The following GUCY1A2 variants were observed in gnomAD, a reference collection of about 807,000 sequenced individuals.
The protein encoded by GUCY1A2 is guanylate cyclase soluble subunit alpha-2.
Under a neutral mutation model 63.5 loss-of-function variants are expected in GUCY1A2, and 27 were observed. The observed-to-expected ratio is 0.43, with a 90% confidence interval of 0.31 to 0.59. The LOEUF (loss-of-function observed/expected upper bound fraction) is 0.59. Ranked by LOEUF, GUCY1A2 falls within the 20% of genes least tolerant of loss-of-function variation. The pLI is 0.11. For synonymous variants in GUCY1A2, 364 were observed against 343.5 expected, an observed-to-expected ratio of 1.06 and a Z score of -0.66; for missense variants, 768 against 913.3, an observed-to-expected ratio of 0.84 and a Z score of 2.05.
chr11:106,801,241 T>C (rs1858598409), intron 5 of GUCY1A2, among the ~76,000 whole-genome samples: 1 of 152,172 alleles, frequency 6.6e-6, no homozygotes, highest in African/African-American at 2.4e-5. Context: ...CATGTTCATC[T>C]TCTAATTACT....
intron 6 of GUCY1A2, among the ~76,000 whole-genome samples, chr11:106,772,025 C>T (rs1029259457): frequency 1.3e-5 from 2 of 151,820 alleles, no homozygotes; most frequent in African/African-American, 4.8e-5. Flanking sequence ...ACTTATTGAA[C>T]AATAATTTAC....
At chr11:106,971,043 T>C (rs1861186778) in intron 3 of GUCY1A2, among the ~76,000 whole-genome samples, 1 of 152,172 alleles carries the variant, frequency 6.6e-6, no homozygotes, top group Non-Finnish European at 1.5e-5. Flanking sequence ...AACAGATCGG[T>C]ACTTGCCAGG....
intron 5 of GUCY1A2, among the ~76,000 whole-genome samples, chr11:106,786,638 C>G (rs1864560328): frequency 6.6e-6 from 1 of 152,118 alleles, no homozygotes; most frequent in Non-Finnish European, 1.5e-5. Flanking sequence ...ATTAAAATAT[C>G]AAGTCAAAAT....
rs1009713007 is a variant in GUCY1A2, at chr11:106,810,604, T to A, written c.1207-126A>T. ...GCAATACTGAGTTACTGCATTCATA[T>A]AAGCAAATTTAAATCTGATTTTCAG... On this transcript the variant is annotated intron_variant, in intron 4 of 7. Coordinates refer to ENST00000526355, the MANE Select transcript of GUCY1A2 (RefSeq NM_000855.3). The A allele has an allele frequency of 1.1e-5, 7 of 663,452 alleles. No homozygotes were observed. In the East Asian group the frequency reaches 1.4e-4, roughly 13 times the overall value. 41.1% of individuals were successfully genotyped at this position (663,452 alleles called of 1,614,324 possible).
Position 106,726,771 on chromosome 11 carries a change from T to C in GUCY1A2, c.1837-18105A>G, listed in dbSNP as rs528778150. Among the ~76,000 whole-genome samples, 9 of 152,236 alleles carry C rather than the reference T, an allele frequency of 5.9e-5. 1 individual carries two copies. The South Asian group carries it at 1.7e-3, about 28-fold the overall frequency. ...AGTGGGTTGGTGTCATGGATTGGAA[T>C]AAGAGCTAAAGGAAAATTAACAAGT... On this transcript the variant is annotated intron_variant, in intron 6 of 7. Coordinates refer to ENST00000526355, the MANE Select transcript of GUCY1A2 (RefSeq NM_000855.3).
rs537341971 is a variant in GUCY1A2, at chr11:106,725,757, T to C, written c.1837-17091A>G. ...TGAGCCAAATGTTTGAAATGGTAAA[T>C]TATGAGCTTAAAAGTAGTCAGTGAC... On this transcript the variant is annotated intron_variant, in intron 6 of 7. Transcript: ENST00000526355. Among the ~76,000 whole-genome samples the C allele has an allele frequency of 2.0e-5, 3 of 152,238 alleles. No individual in the cohort carries two copies. The South Asian group carries it at 6.2e-4, about 32-fold the overall frequency.
chr11:107,014,079 C>CTTTTTTTTT (rs71044206), intron 1 of GUCY1A2, among the ~76,000 whole-genome samples: 15 of 70,020 alleles, frequency 2.1e-4, no homozygotes, highest in Admixed American at 6.5e-4. Context: ...CCATGTTTTC[C>CTTTTTTTTT]TTTTTTTTTT....
At position 106,685,652 on chromosome 11, in the gene GUCY1A2, A is replaced by C; in HGVS notation, c.*1897T>G. On this transcript the variant is annotated 3_prime_UTR_variant, in exon 8 of 8. Transcript: ENST00000526355. Reference sequence around the variant, plus strand: ...CATCAACATTGCTAAGGCATTTTCTAATATAAGCATGAGGATTGAGGTGCT... The same window carrying C: ...CATCAACATTGCTAAGGCATTTTCTCATATAAGCATGAGGATTGAGGTGCT... The C allele has an allele frequency of 4.4e-6, 1 of 228,322 alleles. No individual in the cohort carries two copies. Among genetic ancestry groups the C allele is most frequent in the East Asian group, 6.3e-5 (1 of 15,978 alleles). 14.1% of individuals were successfully genotyped at this position (228,322 alleles called of 1,614,324 possible).
intron 1 of GUCY1A2, among the ~76,000 whole-genome samples, chr11:107,009,102 T>C (rs1861709849): frequency 6.6e-6 from 1 of 152,260 alleles, no homozygotes; most frequent in Non-Finnish European, 1.5e-5. Context: ...TGGATCACCA[T>C]TTATTTACTT....
chr11:106,983,402 C>T (rs1251882778), intron 2 of GUCY1A2, among the ~76,000 whole-genome samples: 15 of 152,092 alleles, frequency 9.9e-5, no homozygotes. Context: ...ACAGGAAGCC[C>T]CATCAGCTAC....
chr11:106,880,938 A>G (rs989107620), intron 4 of GUCY1A2, among the ~76,000 whole-genome samples: 1 of 152,144 alleles, frequency 6.6e-6, no homozygotes, highest in Non-Finnish European at 1.5e-5. Context: ...GGAAGCTCTG[A>G]AATTTGAGTT....
At chr11:106,823,984 G>C (rs982307581) in intron 4 of GUCY1A2, 1 of 787,966 alleles carries the variant, frequency 1.3e-6, no homozygotes, top group African/African-American at 1.8e-5. Context: ...TGCGCATATA[G>C]TTATTGCTTT....
chr11:106,781,648 C>T (rs555896575), intron 5 of GUCY1A2, among the ~76,000 whole-genome samples: 1 of 152,134 alleles, frequency 6.6e-6, no homozygotes, highest in African/African-American at 2.4e-5. Context: ...TCTGCAACCC[C>T]TCCATCCCGG....
intron 4 of GUCY1A2, among the ~76,000 whole-genome samples, chr11:106,823,726 T>C (rs1347825391): frequency 6.6e-6 from 1 of 152,124 alleles, no homozygotes; most frequent in Non-Finnish European, 1.5e-5. Flanking sequence ...CACACAAACA[T>C]CTATTGTTTT....
intron 4 of GUCY1A2, among the ~76,000 whole-genome samples, chr11:106,890,355 A>T (rs1345877004): frequency 6.6e-6 from 1 of 152,126 alleles, no homozygotes; most frequent in Non-Finnish European, 1.5e-5. Context: ...TACCTATAAT[A>T]ATATCAAGAG....
Position 106,964,034 on chromosome 11 carries a change from T to TAC in GUCY1A2, c.487+14583_487+14584dup, listed in dbSNP as rs370384592. On this transcript the variant is annotated intron_variant, in intron 3 of 7. Transcript: ENST00000526355. ...TCTCTCATTCCCCCTTCTCTTTTGC[T>TAC]ACACACACACATACACACGTATACA... 6.3e-3 allele frequency among the ~76,000 whole-genome samples: 952 copies of TAC among 151,826 alleles called. 11 individuals are homozygous for TAC. The highest frequency in any genetic ancestry group is 0.022 in the African/African-American group (919 of 41,418).
At chr11:106,925,951 A>G (rs1319271680) in intron 4 of GUCY1A2, among the ~76,000 whole-genome samples, 1 of 152,240 alleles carries the variant, frequency 6.6e-6, no homozygotes, top group Non-Finnish European at 1.5e-5. Context: ...GATTAGGGTA[A>G]GGGGTAAAGG....
At chr11:106,798,969 C>A (rs1864818722) in intron 5 of GUCY1A2, among the ~76,000 whole-genome samples, 1 of 152,164 alleles carries the variant, frequency 6.6e-6, no homozygotes, top group South Asian at 2.1e-4. Flanking sequence ...GAGAGGAAGT[C>A]AAATTGTCTG....
At chr11:106,909,693 C>G (rs75359515) in intron 4 of GUCY1A2, among the ~76,000 whole-genome samples, 1 of 151,952 alleles carries the variant, frequency 6.6e-6, no homozygotes, top group African/African-American at 2.4e-5. Flanking sequence ...ATAGCTCCAT[C>G]CTCTTTATGG....
Sources: allele counts gnomAD v4.1 joint callset (sites outside exome capture counted in the v4.1 genomes callset), GRCh38; gene constraint gnomAD v4.1.1; transcripts MANE v1.5; gene names NCBI Gene and HGNC (gene_info 2026-07-23, HGNC 2026-07-21).